Variants in BCAS3 observed in about 807,000 individuals in gnomAD.
BCAS3 encodes BCAS3 microtubule associated cell migration factor.
Under a neutral mutation model 116.1 loss-of-function variants are expected in BCAS3, and 53 were observed. The ratio of observed to expected loss-of-function variants is 0.46; its 90% confidence interval spans 0.37 to 0.57. BCAS3 has a LOEUF of 0.57. BCAS3 is among the 20% of genes least tolerant of loss of function. The pLI is 0.00. For synonymous variants in BCAS3, 391 were observed against 408.2 expected (o/e 0.96, Z 0.51); for missense variants, 917 against 1,165.4 (o/e 0.79, Z 3.10).
chr17:60,828,404 A>G (rs753226708), intron 7 of BCAS3, among the ~76,000 whole-genome samples: 1 of 152,040 alleles, frequency 6.6e-6, no homozygotes, highest in Non-Finnish European at 1.5e-5. Flanking sequence ...TTTGGGGGGG[A>G]AATCTTTTGT....
intron 19 of BCAS3, among the ~76,000 whole-genome samples, chr17:61,047,169 C>A (rs1034384147): frequency 2.0e-5 from 3 of 151,708 alleles, no homozygotes; most frequent in African/African-American, 7.3e-5. Context: ...ATGGAATGAC[C>A]AAAATTAATG....
intron 4 of BCAS3, among the ~76,000 whole-genome samples, chr17:60,697,194 T>G (rs1379846841): frequency 6.6e-6 from 1 of 150,754 alleles, no homozygotes; most frequent in Non-Finnish European, 1.5e-5. Context: ...TACCTCTGAA[T>G]GAATGAATGA....
chr17:60,918,868 A>G (rs973497156), intron 12 of BCAS3, among the ~76,000 whole-genome samples: 3 of 151,484 alleles, frequency 2.0e-5, no homozygotes, highest in Non-Finnish European at 4.4e-5. Context: ...AATTTTGTGT[A>G]TTTTTTAGTA....
At chr17:61,190,452 G>A (rs887133136) in intron 22 of BCAS3, among the ~76,000 whole-genome samples, 11 of 147,036 alleles carry the variant, frequency 7.5e-5, no homozygotes, top group Middle Eastern at 3.2e-3. Context: ...GCTTGAACCC[G>A]GGAGGCAGAG....
intron 6 of BCAS3, among the ~76,000 whole-genome samples, chr17:60,780,494 G>C (rs1239236223): frequency 6.6e-6 from 1 of 151,634 alleles, no homozygotes; most frequent in East Asian, 1.9e-4. Context: ...ATAGAGACGG[G>C]GTTTCACTAT....
intron 7 of BCAS3, among the ~76,000 whole-genome samples, chr17:60,830,894 C>A (rs2050859116): frequency 6.8e-6 from 1 of 147,886 alleles, no homozygotes; most frequent in African/African-American, 2.5e-5. Context: ...TTTTTTAAGA[C>A]AAGGTCTTAC....
chr17:61,303,433 G>C (rs2053605211), intron 22 of BCAS3, among the ~76,000 whole-genome samples: 1 of 152,190 alleles, frequency 6.6e-6, no homozygotes, highest in African/African-American at 2.4e-5. Context: ...TAGTGCTGTA[G>C]GTTTAATAGA....
chr17:61,123,165 A>C (rs879658667), intron 22 of BCAS3, among the ~76,000 whole-genome samples: 84 of 151,388 alleles, frequency 5.5e-4, no homozygotes, highest in Non-Finnish European at 1.3e-4. Flanking sequence ...CTGGTCTCCA[A>C]CTCCTGACCT....
intron 6 of BCAS3, among the ~76,000 whole-genome samples, chr17:60,766,482 G>C (rs544390872): frequency 3.2e-4 from 49 of 152,262 alleles, no homozygotes; most frequent in Middle Eastern, 6.8e-3. Flanking sequence ...TTTGCTGGAG[G>C]TCCACTCCAG....
At chr17:60,895,608 T>C (rs1000719531) in intron 10 of BCAS3, among the ~76,000 whole-genome samples, 9 of 152,232 alleles carry the variant, frequency 5.9e-5, no homozygotes, top group South Asian at 2.1e-4. Context: ...GTTTATTCTT[T>C]TTTAGCTCCT....
intron 22 of BCAS3, among the ~76,000 whole-genome samples, chr17:61,298,824 T>TTATTTATTTATTA (rs879747122): frequency 7.1e-6 from 1 of 140,054 alleles, no homozygotes; most frequent in African/African-American, 2.7e-5. Flanking sequence ...ATTTATTTAT[T>TTATTTATTTATTA]ATTATTATTA....
In BCAS3 at chr17:61,259,253, G is replaced by A. The variant is rs2049014860; in HGVS notation, c.2426-109074G>A. Among the ~76,000 whole-genome samples, 1 of 152,186 alleles carries A rather than the reference G, an allele frequency of 6.6e-6. No homozygotes were observed. The highest frequency in any genetic ancestry group is 2.4e-5 in the African/African-American group (1 of 41,444). On this transcript the variant is annotated intron_variant, in intron 22 of 23. Coordinates refer to ENST00000407086, the MANE Select transcript of BCAS3 (RefSeq NM_017679.5). The surrounding 1 kb of genome is among the most constrained non-coding windows in gnomAD (Gnocchi z 4.7). The stretch of plus-strand genomic sequence containing the variant: ...TTTTGAAAGAGCATGGGGAGTGTAA[G>A]CAGAGCTCACAGAACTAATCTGTGT...
chr17:60,935,502 A>T lies in BCAS3; in HGVS notation c.1087+11002A>T, dbSNP rs575844082. Among the ~76,000 whole-genome samples, 32 of 152,240 alleles carry T rather than the reference A, an allele frequency of 2.1e-4. No individual in the cohort carries two copies. The South Asian group carries it at 5.8e-3, about 28-fold the overall frequency. On this transcript the variant is annotated intron_variant, in intron 13 of 23. Coordinates refer to ENST00000407086, the MANE Select transcript of BCAS3 (RefSeq NM_017679.5). ...GCCTGCCTACCCAGTCATCTTTTTT[A>T]TGGATCAGCCATTTTTCTTATATAT...
At chr17:61,148,183 C>T (rs183791861) in intron 22 of BCAS3, among the ~76,000 whole-genome samples, 18 of 152,250 alleles carry the variant, frequency 1.2e-4, no homozygotes, top group Admixed American at 1.2e-3. Context: ...CACACACACA[C>T]ACAGAAGTTT....
At chr17:61,115,433 C>T (rs1421817576) in intron 22 of BCAS3, among the ~76,000 whole-genome samples, 3 of 146,658 alleles carry the variant, frequency 2.0e-5, no homozygotes, top group Non-Finnish European at 4.5e-5. Flanking sequence ...GGGCAAAGGA[C>T]ATGAACAGAC....
In BCAS3 at chr17:61,145,055, C is replaced by CA. The variant is rs2077121544; in HGVS notation, c.2425+60494dup. Among the ~76,000 whole-genome samples, 1 of 152,234 alleles carries CA rather than the reference C, an allele frequency of 6.6e-6. No homozygotes were observed. Among genetic ancestry groups the CA allele is most frequent in the Non-Finnish European group, 1.5e-5 (1 of 68,040 alleles). ...AAGATAACAACTCCAGGCCAGCTGTCAAATGTTTACCATTATCAAAACTCT... is the reference window on the plus strand; with the variant it reads ...AAGATAACAACTCCAGGCCAGCTGTCAAAATGTTTACCATTATCAAAACTCT... On this transcript the variant is annotated intron_variant, in intron 22 of 23. Coordinates refer to ENST00000407086, the MANE Select transcript of BCAS3 (RefSeq NM_017679.5). This position sits in a 1 kb window ranked among gnomAD's most constrained non-coding sequence, Gnocchi z 5.0.
At chr17:61,318,712 C>T (rs1216248112) in intron 22 of BCAS3, among the ~76,000 whole-genome samples, 2 of 152,308 alleles carry the variant, frequency 1.3e-5, no homozygotes, top group Middle Eastern at 3.4e-3. Context: ...CCACCTGCAA[C>T]TTTCTGCTAG....
At position 61,034,794 on chromosome 17, in the gene BCAS3, T is replaced by C. The variant is rs764296991; in HGVS notation, c.1762+4T>C. The stretch of plus-strand genomic sequence containing the variant: ...GCAGGTCTGAAAAGAGAAAAAGGTA[T>C]GTATTTTTACTGAAAAATGAATGCT... On this transcript the variant is annotated splice_donor_region_variant and intron_variant, in intron 17 of 23. Coordinates refer to ENST00000407086, the MANE Select transcript of BCAS3 (RefSeq NM_017679.5). This position sits in a 1 kb window ranked among gnomAD's most constrained non-coding sequence, Gnocchi z 5.0. 3.1e-6 allele frequency: 5 copies of C among 1,592,222 alleles called. No individual in the cohort carries two copies. Among genetic ancestry groups the C allele is most frequent in the African/African-American group, 2.7e-5 (2 of 73,388 alleles).
chr17:60,851,641 C>G (rs1259460782), intron 7 of BCAS3: 3 of 712,896 alleles, frequency 4.2e-6, no homozygotes, highest in Non-Finnish European at 7.8e-6. Flanking sequence ...GGAAAACAGG[C>G]TGAAAGAAAC....
Sources: allele counts gnomAD v4.1 joint callset (sites outside exome capture counted in the v4.1 genomes callset), GRCh38; gene constraint gnomAD v4.1.1; non-coding constraint Gnocchi (gnomAD v3.1); transcripts MANE v1.5; gene names NCBI Gene and HGNC (gene_info 2026-07-23, HGNC 2026-07-21).